Variants in EPHB2 observed in about 807,000 individuals in gnomAD.
EPHB2 encodes ephrin type-B receptor 2.
In EPHB2, 18 loss-of-function variants were observed where a neutral mutation model predicts 96.4. That is an observed-to-expected ratio of 0.19 (90% CI 0.13 to 0.28). The LOEUF is 0.28. EPHB2 is among the 10% of genes least tolerant of loss of function. The pLI, the probability that EPHB2 is intolerant of heterozygous loss-of-function variation, is 1.00. For missense variants in EPHB2, 989 were observed against 1,355.4 expected (o/e 0.73, Z 4.25); for synonymous variants, 506 against 534.1 (o/e 0.95, Z 0.72).
chr1:22,801,466 G>T (rs1470291414), intron 3 of EPHB2, among the ~76,000 whole-genome samples: 1 of 151,942 alleles, frequency 6.6e-6, no homozygotes, highest in Non-Finnish European at 1.5e-5. Flanking sequence ...GAACTGCAAG[G>T]GCTTTGTCGA....
chr1:22,872,894 T>C (rs1355059818), intron 5 of EPHB2, among the ~76,000 whole-genome samples: 1 of 152,306 alleles, frequency 6.6e-6, no homozygotes, highest in Non-Finnish European at 1.5e-5. Context: ...CCTGTGTGCT[T>C]ATGCCTGAGA....
In EPHB2 at chr1:22,857,387, C is replaced by G. The variant is rs541140847; in HGVS notation, c.812-5650C>G. On this transcript the variant is annotated intron_variant, in intron 3 of 15. Transcript: ENST00000374630. The stretch of plus-strand genomic sequence containing the variant: ...GGCAGGCCGCCTAAAAGTGGGCACA[C>G]ACATCAGACTCACCAATCCAAGGGG... Among the ~76,000 whole-genome samples the G allele has an allele frequency of 9.9e-5, 15 of 152,088 alleles. No individual in the cohort carries two copies. In the South Asian group the frequency reaches 2.9e-3, roughly 29 times the overall value.
At chr1:22,795,456 A>G (rs1272001306) in intron 3 of EPHB2, among the ~76,000 whole-genome samples, 1 of 118,688 alleles carries the variant, frequency 8.4e-6, no homozygotes, top group Non-Finnish European at 1.8e-5. Context: ...GCCATACTGA[A>G]CTGGTTTCCG....
intron 1 of EPHB2, among the ~76,000 whole-genome samples, chr1:22,741,604 G>A (rs146048966): frequency 1.0e-4 from 15 of 149,054 alleles, no homozygotes; most frequent in East Asian, 4.1e-4. Flanking sequence ...CCTCCTGTTC[G>A]GAGGTTTGGA....
At position 22,751,398 on chromosome 1, in the gene EPHB2, T is replaced by C. The variant is rs966474154; in HGVS notation, c.62-30023T>C. On this transcript the variant is annotated intron_variant, in intron 1 of 15. Coordinates refer to ENST00000374630, the MANE Select transcript of EPHB2 (RefSeq NM_017449.5). ...GTAACAGGATCCCTGTTATCTCTGC[T>C]GTTCTGGGAACAGGCAGATCTGAGC... is the stretch of plus-strand genomic sequence containing the variant. Among the ~76,000 whole-genome samples, 9 of 152,362 alleles carry C rather than the reference T, an allele frequency of 5.9e-5. No individual in the cohort carries two copies. The East Asian group carries it at 1.7e-3, about 29-fold the overall frequency.
intron 3 of EPHB2, among the ~76,000 whole-genome samples, chr1:22,810,932 G>A (rs1644994045): frequency 6.6e-6 from 1 of 152,162 alleles, no homozygotes; most frequent in Non-Finnish European, 1.5e-5. Flanking sequence ...CAGCCCACTG[G>A]CAGCTCCCAA....
At chr1:22,856,573 CAGT>C (rs1030542461) in intron 3 of EPHB2, among the ~76,000 whole-genome samples, 9 of 152,200 alleles carry the variant, frequency 5.9e-5, no homozygotes, top group Non-Finnish European at 1.0e-4. Flanking sequence ...TTTCTGGGAC[CAGT>C]AGTATTTGGA....
At chr1:22,781,376 G>C in intron 1 of EPHB2, 45 bp from the exon 2 acceptor site, 1 of 1,552,584 alleles carries the variant, frequency 6.4e-7, no homozygotes, top group Non-Finnish European at 8.9e-7. Flanking sequence ...GATTGACAGC[G>C]CCTGGTAGGT....
chr1:22,739,825 G>A (rs1463686143), intron 1 of EPHB2, among the ~76,000 whole-genome samples: 1 of 152,182 alleles, frequency 6.6e-6, no homozygotes, highest in Non-Finnish European at 1.5e-5. Flanking sequence ...GCCCGGCCTG[G>A]CCTGGAATCG....
intron 3 of EPHB2, among the ~76,000 whole-genome samples, chr1:22,787,468 G>A (rs1570276491): frequency 6.6e-6 from 1 of 152,202 alleles, no homozygotes; most frequent in Admixed American, 6.5e-5. Context: ...ACAACCAACA[G>A]ATCAGGTATG....
At chr1:22,820,322 G>A (rs755354181) in intron 3 of EPHB2, among the ~76,000 whole-genome samples, 8 of 152,064 alleles carry the variant, frequency 5.3e-5, no homozygotes, top group Non-Finnish European at 1.2e-4. Flanking sequence ...GGGGCTCCTA[G>A]GGCAGAGATT....
chr1:22,777,566 C>A (rs1644470171), intron 1 of EPHB2, among the ~76,000 whole-genome samples: 1 of 152,108 alleles, frequency 6.6e-6, no homozygotes, highest in Non-Finnish European at 1.5e-5. Context: ...ACTCCAGATT[C>A]CCCAGAGAAC....
At chr1:22,873,810 G>A (rs1377887381) in intron 5 of EPHB2, among the ~76,000 whole-genome samples, 1 of 152,156 alleles carries the variant, frequency 6.6e-6, no homozygotes, top group Non-Finnish European at 1.5e-5. Flanking sequence ...CCCTTTTAAG[G>A]AAACTTCCTA....
At chr1:22,731,837 C>T (rs1370471321) in intron 1 of EPHB2, among the ~76,000 whole-genome samples, 8 of 152,184 alleles carry the variant, frequency 5.3e-5, no homozygotes, top group Admixed American at 3.9e-4. Flanking sequence ...AAGATTCCAT[C>T]TCAAACAAAA....
In EPHB2 at chr1:22,914,372, G is replaced by T. The variant is rs149199458; in HGVS notation, c.*802G>T. 6.2e-3 allele frequency: 1,005 copies of T among 161,212 alleles called. 17 individuals are homozygous for T. Among genetic ancestry groups the T allele is most frequent in the African/African-American group, 0.022 (922 of 41,580 alleles). The allele number at this position is 161,212 out of a possible 1,614,324, so 10.0% of individuals were successfully genotyped here. ...CCTGGCCCTCCTGGTGCCCACTCCCGCCAGCCCCTGCCTCGAGGACTGATA... is the reference window on the plus strand; with the variant it reads ...CCTGGCCCTCCTGGTGCCCACTCCCTCCAGCCCCTGCCTCGAGGACTGATA... On this transcript the variant is annotated 3_prime_UTR_variant, in exon 16 of 16. Transcript: ENST00000374630.
At position 22,875,671 on chromosome 1, in the gene EPHB2, C is replaced by T. The variant is rs2148541437; in HGVS notation, c.1304-6688C>T. ...TCCTCCTTCCTGTCTTCGTTTCTTCCTCCAGTAAATATTGGTCATGCACCT... is the reference window on the plus strand; with the variant it reads ...TCCTCCTTCCTGTCTTCGTTTCTTCTTCCAGTAAATATTGGTCATGCACCT... On this transcript the variant is annotated intron_variant, in intron 5 of 15. Transcript: ENST00000374630. This position sits in a 1 kb window ranked among gnomAD's most constrained non-coding sequence, Gnocchi z 4.2. Among the ~76,000 whole-genome samples, 1 of 152,238 alleles carries T rather than the reference C, an allele frequency of 6.6e-6. No homozygotes were observed. The highest frequency in any genetic ancestry group is 2.4e-5 in the African/African-American group (1 of 41,538).
intron 1 of EPHB2, among the ~76,000 whole-genome samples, chr1:22,713,449 GTCTAGT>G (rs1643211310): frequency 6.6e-6 from 1 of 152,130 alleles, no homozygotes; most frequent in Admixed American, 6.5e-5. Context: ...TTCCTCCCCC[GTCTAGT>G]GAGAGTGATG....
chr1:22,892,451 CA>C (rs1639418898), intron 6 of EPHB2, among the ~76,000 whole-genome samples: 1 of 152,148 alleles, frequency 6.6e-6, no homozygotes, highest in East Asian at 1.9e-4. Flanking sequence ...GTCTGTGGGT[CA>C]ATAGGGGTGG....
At position 22,882,573 on chromosome 1, in the gene EPHB2, G is replaced by T. The variant is rs955142237; in HGVS notation, c.1428+90G>T. 1.2e-5 allele frequency: 19 copies of T among 1,587,758 alleles called. No homozygotes were observed. The African/African-American group carries it at 2.4e-4, about 20-fold the overall frequency. ...GCCTGGGAGTTCTGCCCCACCGCAA[G>T]ATGAGACGCACTGGTGCAGCAGAAA... is the stretch of plus-strand genomic sequence containing the variant. On this transcript the variant is annotated intron_variant, in intron 6 of 15. Coordinates refer to ENST00000374630, the MANE Select transcript of EPHB2 (RefSeq NM_017449.5).
Sources: gnomAD v4.1 joint callset for allele counts (sites outside exome capture counted in the v4.1 genomes callset) on GRCh38, gnomAD v4.1.1 for gene constraint, Gnocchi (gnomAD v3.1) non-coding constraint, MANE v1.5 for transcripts, NCBI Gene and HGNC (gene_info 2026-07-23, HGNC 2026-07-21) for gene names.